SRRM1: variants seen among roughly 807,000 people sequenced by gnomAD.
SRRM1 encodes serine and arginine repetitive matrix 1, also known as serine/arginine repetitive matrix protein 1.
Under a neutral mutation model 110.2 loss-of-function variants are expected in SRRM1, and 19 were observed. The ratio of observed to expected loss-of-function variants is 0.17; its 90% CI spans 0.12 to 0.25. The LOEUF is 0.25. SRRM1 is among the 10% of genes least tolerant of loss of function. SRRM1 has a pLI of 1.00. For synonymous variants in SRRM1, 443 were observed against 414.9 expected, an observed-to-expected ratio of 1.07 and a Z score of -0.82; for missense variants, 918 against 1,145.8, an observed-to-expected ratio of 0.80 and a Z score of 2.87.
chr1:24,667,529 A>G (rs191940257), intron 13 of SRRM1, among the ~76,000 whole-genome samples: 56 of 152,344 alleles, frequency 3.7e-4, no homozygotes, highest in Non-Finnish European at 6.0e-4. Flanking sequence ...CAATTATGCC[A>G]AACCTCAGTC....
chr1:24,648,704 G>A (rs185468966), intron 3 of SRRM1, 155 bp from the exon 4 acceptor site: 791 of 602,172 alleles, frequency 1.3e-3, no homozygotes, highest in Non-Finnish European at 1.9e-3. Flanking sequence ...AGCTACTAGG[G>A]AAGACTATTT....
At chr1:24,666,541 C>T in intron 12 of SRRM1, 1 of 318,654 alleles carries the variant, frequency 3.1e-6, no homozygotes, top group South Asian at 2.8e-5. Flanking sequence ...GCAGGCAGAT[C>T]ACCTGAGGTC....
At chr1:24,656,075 T>TA (rs1038064714) in intron 9 of SRRM1, among the ~76,000 whole-genome samples, 1 of 152,014 alleles carries the variant, frequency 6.6e-6, no homozygotes, top group Admixed American at 6.6e-5. Context: ...TCCTGACTCT[T>TA]AAAAAAAGAG....
chr1:24,654,486 G>A (rs999923447), intron 8 of SRRM1: 12 of 699,192 alleles, frequency 1.7e-5, no homozygotes, highest in Non-Finnish European at 2.5e-5. Flanking sequence ...TCAACATTGT[G>A]TTATTAAATG....
At chr1:24,665,218 G>C (rs996095448) in intron 12 of SRRM1, among the ~76,000 whole-genome samples, 14 of 151,988 alleles carry the variant, frequency 9.2e-5, no homozygotes, top group Non-Finnish European at 2.1e-4. Context: ...CCTGAGATCA[G>C]ACGTTTGAGA....
intron 12 of SRRM1, among the ~76,000 whole-genome samples, chr1:24,666,151 G>A (rs1669883327): frequency 6.6e-6 from 1 of 152,174 alleles, no homozygotes; most frequent in Non-Finnish European, 1.5e-5. Context: ...TGGTTCTAAT[G>A]TGCATCCCCA....
intron 9 of SRRM1, among the ~76,000 whole-genome samples, chr1:24,656,887 AACAAG>A (rs1664440372): frequency 6.6e-6 from 1 of 152,166 alleles, no homozygotes; most frequent in South Asian, 2.1e-4. Flanking sequence ...ACTTTTTGCA[AACAAG>A]ACAAGAGTGG....
rs1340760266 is a variant in SRRM1, at chr1:24,671,517, T to C, written c.2532T>C (p.Ala844=). Residue 844 remains alanine (A), a synonymous_variant, in exon 16 of 17, where the codon GCT becomes GCC. Transcript: ENST00000323848. ...EKAVAAAAAA[A]VTPAAIAAAT... Reference sequence around the variant, plus strand: ...CTGTGGCTGCAGCTGCTGCAGCTGCTGTGACCCCTGCAGCCATTGCAGCTG... The same window carrying C: ...CTGTGGCTGCAGCTGCTGCAGCTGCCGTGACCCCTGCAGCCATTGCAGCTG... 1.9e-6 allele frequency: 3 copies of C among 1,611,884 alleles called. No homozygotes were observed. The highest frequency in any genetic ancestry group is 4.5e-5 in the East Asian group (2 of 44,880).
At chr1:24,662,943 CTGTTTTGTTT>C (rs879034638) in intron 12 of SRRM1, 139 bp downstream of exon 12, 4 of 1,251,926 alleles carry the variant, frequency 3.2e-6, no homozygotes, top group Non-Finnish European at 4.4e-6. Flanking sequence ...TTTAGGGTTT[CTGTTTTGTTT>C]TGTTTTTGCT....
Position 24,661,317 on chromosome 1 carries a change from T to G in SRRM1, c.1404T>G (p.Asp468Glu). The change falls in exon 11 of 17, where the codon GAT becomes GAG. Residue 468 changes from aspartate (D) to glutamate (E), a missense_variant. This residue lies in a region of SRRM1 where 456 missense variants were observed against 453.5 expected (regional missense o/e 1.01). Transcript: ENST00000323848. ...AATGCATCCATCTTTCAGAAGAAGATAAAGGTGGCAAAATGGCTGCAGCAG... is the reference window on the plus strand; with the variant it reads ...AATGCATCCATCTTTCAGAAGAAGAGAAAGGTGGCAAAATGGCTGCAGCAG... ...RKVELSESEE[D>E]KGGKMAAADS... 6.2e-7 allele frequency: 1 copy of G among 1,612,060 alleles called. No homozygotes were observed. The highest frequency in any genetic ancestry group is 8.5e-7 in the Non-Finnish European group (1 of 1,178,752).
intron 12 of SRRM1, among the ~76,000 whole-genome samples, chr1:24,666,085 C>G (rs1480562879): frequency 6.6e-6 from 1 of 152,192 alleles, no homozygotes; most frequent in Non-Finnish European, 1.5e-5. Context: ...CCAAAAACAC[C>G]TGGCTGGACC....
chr1:24,645,944 A>G, intron 1 of SRRM1, 40 bp from the exon 2 acceptor site: 2 of 1,563,762 alleles, frequency 1.3e-6, no homozygotes, highest in Non-Finnish European at 1.8e-6. Context: ...TAAGGATTTA[A>G]CTTTGAACCC....
At chr1:24,660,928 C>T (rs1043201749) in intron 10 of SRRM1, 129 bp downstream of exon 10, 3 of 586,750 alleles carry the variant, frequency 5.1e-6, no homozygotes, top group Admixed American at 7.0e-5. Context: ...AGAGCTAAGA[C>T]TCTGAAGGCA....
chr1:24,661,542 T>C (rs1667226975), intron 11 of SRRM1, 146 bp downstream of exon 11: 1 of 536,666 alleles, frequency 1.9e-6, no homozygotes, highest in Non-Finnish European at 3.2e-6. Flanking sequence ...TTTTTTTGGT[T>C]TTAAGTCCTT....
chr1:24,655,903 CT>C (rs968159926), intron 9 of SRRM1, among the ~76,000 whole-genome samples: 1 of 152,098 alleles, frequency 6.6e-6, no homozygotes, highest in Non-Finnish European at 1.5e-5. Flanking sequence ...AAGGAGCAAT[CT>C]GTAGGTTAAC....
At chr1:24,648,611 C>T (rs1194574974) in intron 3 of SRRM1, 5 of 339,246 alleles carry the variant, frequency 1.5e-5, no homozygotes, top group African/African-American at 6.4e-5. Context: ...TTACGAAATC[C>T]ACAAAGGATT....
chr1:24,670,156 C>G lies in SRRM1; in HGVS notation c.2241C>G (p.Val747=). 6.2e-7 allele frequency: 1 copy of G among 1,612,256 alleles called. No homozygotes were observed. The highest frequency in any genetic ancestry group is 8.5e-7 in the Non-Finnish European group (1 of 1,179,310). The change falls in exon 15 of 17, where the codon GTC becomes GTG. Residue 747 remains valine (V), a synonymous_variant. Transcript: ENST00000323848. Reference sequence around the variant, plus strand: ...CAAGCCCACAGTCTGTAAGAAGGGTCTCATCCTCCCGATCTGTCTCCGGGT... The same window carrying G: ...CAAGCCCACAGTCTGTAAGAAGGGTGTCATCCTCCCGATCTGTCTCCGGGT... ...ASPSPQSVRR[V]SSSRSVSGSP... is the part of the protein sequence containing the mutation.
At chr1:24,666,740 G>C (rs1241232632) in intron 12 of SRRM1, 75 bp from the exon 13 acceptor site, 1 of 1,189,590 alleles carries the variant, frequency 8.4e-7, no homozygotes, top group Non-Finnish European at 1.2e-6. Context: ...ACTCCAGCCT[G>C]GGCGACAGAG....
intron 15 of SRRM1, 29 bp from the exon 16 acceptor site, chr1:24,671,357 T>C: frequency 6.4e-7 from 1 of 1,555,914 alleles, no homozygotes; most frequent in Non-Finnish European, 8.7e-7. Flanking sequence ...TGATTATAAA[T>C]GCTGGGTGTT....
Sources: gnomAD v4.1 joint callset for allele counts (sites outside exome capture counted in the v4.1 genomes callset) on GRCh38, gnomAD v4.1.1 for gene constraint, gnomAD v4.1.1 regional missense constraint, MANE v1.5 for transcripts, NCBI Gene and HGNC (gene_info 2026-07-23, HGNC 2026-07-21) for gene names.